DNASE2B: variants seen among roughly 807,000 people sequenced by gnomAD.
DNASE2B encodes deoxyribonuclease-2-beta.
A neutral mutation model predicts 46.0 loss-of-function variants in DNASE2B; 43 were observed. The observed-to-expected ratio is 0.94, with a 90% confidence interval of 0.73 to 1.21. The LOEUF (loss-of-function observed/expected upper bound fraction) is 1.21, where lower values mean the gene tolerates loss of function less well. DNASE2B is among the 50% of genes most tolerant of loss of function. The pLI is 0.00. For synonymous variants in DNASE2B, 156 were observed against 152.5 expected (o/e 1.02, Z -0.17); for missense variants, 395 against 414.4 (o/e 0.95, Z 0.41).
intron 4 of DNASE2B, among the ~76,000 whole-genome samples, chr1:84,411,615 T>A (rs1482617341): frequency 6.6e-6 from 1 of 152,164 alleles, no homozygotes; most frequent in Non-Finnish European, 1.5e-5. Context: ...GATAATCTCC[T>A]TTTAAGATTT....
chr1:84,407,790 A>G (rs768876814), intron 2 of DNASE2B, among the ~76,000 whole-genome samples: 4 of 152,188 alleles, frequency 2.6e-5, no homozygotes, highest in Non-Finnish European at 5.9e-5. Context: ...TGGCCTTACC[A>G]GAGGAAATCC....
In DNASE2B at chr1:84,408,983, A is replaced by T. The variant is rs138336009; in HGVS notation, c.385+465A>T. On this transcript the variant is annotated intron_variant, in intron 3 of 5. Transcript: ENST00000370665. ...CCTTGGAAATATACATTTTTGAAAA[A>T]GTATTTTAAATAGCTTTTTATATTA... is the stretch of plus-strand genomic sequence containing the variant. Among the ~76,000 whole-genome samples, 438 of 152,102 alleles carry T rather than the reference A, an allele frequency of 2.9e-3. 1 individual carries two copies. The highest frequency in any genetic ancestry group is 0.027 in the Middle Eastern group (8 of 292).
intron 2 of DNASE2B, among the ~76,000 whole-genome samples, chr1:84,403,977 G>A (rs1197350630): frequency 3.3e-5 from 4 of 121,924 alleles, no homozygotes; most frequent in Non-Finnish European, 7.0e-5. Context: ...TTTTTTTGGC[G>A]GAGGGGGTGG....
chr1:84,408,593 T>C (rs1680534817), intron 3 of DNASE2B, 75 bp downstream of exon 3: 2 of 1,295,790 alleles, frequency 1.5e-6, no homozygotes, highest in African/African-American at 1.5e-5. Context: ...TTGAGTATCC[T>C]TATATTCCAT....
At chr1:84,402,501 G>A (rs1271041470) in intron 2 of DNASE2B, among the ~76,000 whole-genome samples, 1 of 151,442 alleles carries the variant, frequency 6.6e-6, no homozygotes, top group Non-Finnish European at 1.5e-5. Flanking sequence ...GTGGTGGTGA[G>A]CTCAGTAAAG....
chr1:84,411,005 A>G lies in DNASE2B; in HGVS notation c.547+6A>G. On this transcript the variant is annotated splice_donor_region_variant and intron_variant, in intron 4 of 5. Transcript: ENST00000370665. The stretch of plus-strand genomic sequence containing the variant: ...CAACCAGTATGAGGCAATAGGTAAA[A>G]CTAAAGTATGTGAGAAAAAAAACGA... 1 of 1,587,628 alleles carries G rather than the reference A, an allele frequency of 6.3e-7. No individual in the cohort carries two copies. The highest frequency in any genetic ancestry group is 8.5e-7 in the Non-Finnish European group (1 of 1,169,690).
chr1:84,404,967 T>C (rs1680474532), intron 2 of DNASE2B, among the ~76,000 whole-genome samples: 1 of 152,210 alleles, frequency 6.6e-6, no homozygotes, highest in Non-Finnish European at 1.5e-5. Flanking sequence ...GTGTCCTTTG[T>C]GGCACTTTTT....
intron 3 of DNASE2B, among the ~76,000 whole-genome samples, chr1:84,408,890 C>CGT (rs1680541109): frequency 6.6e-6 from 1 of 151,662 alleles, no homozygotes; most frequent in Non-Finnish European, 1.5e-5. Flanking sequence ...TGTACAAACA[C>CGT]ATTTTAGTCA....
In DNASE2B at chr1:84,405,659, T is replaced by C. The variant is rs181456826; in HGVS notation, c.304-2778T>C. On this transcript the variant is annotated intron_variant, in intron 2 of 5. Transcript: ENST00000370665. ...TGCAAGAGCTGTGAGAGATCACTTT[T>C]GACTACAGTATGCAATTTACTGGAG... is the stretch of plus-strand genomic sequence containing the variant. 2.0e-5 allele frequency among the ~76,000 whole-genome samples: 3 copies of C among 152,352 alleles called. No individual in the cohort carries two copies. The East Asian group carries it at 5.8e-4, about 29-fold the overall frequency.
At chr1:84,411,134 T>G in intron 4 of DNASE2B, 135 bp downstream of exon 4, 2 of 1,141,780 alleles carry the variant, frequency 1.8e-6, no homozygotes, top group Non-Finnish European at 2.5e-6. Context: ...ATACTGGCTT[T>G]GCCATGGTGA....
chr1:84,403,065 G>T lies in DNASE2B; in HGVS notation c.303+987G>T, dbSNP rs1024065381. ...CTAGCCTTCAGAGCCAAGCTACAAA[G>T]TTAAAGCTTATCTGTAGGCTATTTG... On this transcript the variant is annotated intron_variant, in intron 2 of 5. Transcript: ENST00000370665. Among the ~76,000 whole-genome samples the T allele has an allele frequency of 5.3e-5, 8 of 152,314 alleles. No homozygotes were observed. The East Asian group carries it at 7.7e-4, about 15-fold the overall frequency.
rs367871116 is a variant in DNASE2B, at chr1:84,413,803, C to T, written c.746-725C>T. ...CACATCAAGTTCAACATGCCAAACT[C>T]ACTGCGTCATCATCCCCTACAAATC... On this transcript the variant is annotated intron_variant, in intron 5 of 5. Coordinates refer to ENST00000370665, the MANE Select transcript of DNASE2B (RefSeq NM_021233.3). Among the ~76,000 whole-genome samples the T allele has an allele frequency of 6.2e-4, 95 of 152,348 alleles. 2 individuals carry two copies. The highest frequency in any genetic ancestry group is 2.1e-3 in the African/African-American group (86 of 41,586).
At chr1:84,399,816 A>G (rs1328799301) in intron 1 of DNASE2B, among the ~76,000 whole-genome samples, 1 of 151,292 alleles carries the variant, frequency 6.6e-6, no homozygotes, top group Non-Finnish European at 1.5e-5. Flanking sequence ...ATTGAAAGGG[A>G]GCTATTGGAG....
intron 4 of DNASE2B, 73 bp downstream of exon 4, chr1:84,411,072 G>A: frequency 6.9e-7 from 1 of 1,458,318 alleles, no homozygotes; most frequent in Non-Finnish European, 9.4e-7. Flanking sequence ...ATTCATAAAT[G>A]TGTCACTTCA....
intron 2 of DNASE2B, among the ~76,000 whole-genome samples, chr1:84,407,284 C>T (rs1185194491): frequency 6.6e-6 from 1 of 152,164 alleles, no homozygotes; most frequent in Non-Finnish European, 1.5e-5. Context: ...CACAAATGGC[C>T]TCCTTACCAC....
At chr1:84,406,480 A>G (rs1680492588) in intron 2 of DNASE2B, among the ~76,000 whole-genome samples, 1 of 152,202 alleles carries the variant, frequency 6.6e-6, no homozygotes, top group Admixed American at 6.5e-5. Flanking sequence ...GGACAGAAAG[A>G]AGCCAGGGAT....
At chr1:84,406,508 A>G (rs1680493034) in intron 2 of DNASE2B, among the ~76,000 whole-genome samples, 1 of 152,194 alleles carries the variant, frequency 6.6e-6, no homozygotes, top group Non-Finnish European at 1.5e-5. Flanking sequence ...CATAAGAAAC[A>G]TGGAGAAAGA....
At chr1:84,400,874 A>G (rs1558496782) in intron 1 of DNASE2B, among the ~76,000 whole-genome samples, 1 of 152,238 alleles carries the variant, frequency 6.6e-6, no homozygotes, top group Non-Finnish European at 1.5e-5. Flanking sequence ...GAATAATTTC[A>G]TGTTTCCTGC....
Position 84,401,940 on chromosome 1 carries a change from A to G in DNASE2B, c.165A>G (p.Glu55=), listed in dbSNP as rs1268656906. 1 of 1,559,742 alleles carries G rather than the reference A, an allele frequency of 6.4e-7. No individual in the cohort carries two copies. The highest frequency in any genetic ancestry group is 2.3e-5 in the East Asian group (1 of 43,752). Residue 55 remains glutamate, a synonymous_variant, in exon 2 of 6, where the codon GAA becomes GAG. Transcript: ENST00000370665. ...AGTTACCTAAAAGACAAAACAAGGA[A>G]AGTGGAGAGACTGGGTTAGAGTACC... ...FYKLPKRQNK[E]SGETGLEYLY...
Sources: allele counts gnomAD v4.1 joint callset (sites outside exome capture counted in the v4.1 genomes callset), GRCh38; gene constraint gnomAD v4.1.1; transcripts MANE v1.5; gene names NCBI Gene and HGNC (gene_info 2026-07-23, HGNC 2026-07-21).